The following EYA4 variants were observed in gnomAD, a reference collection of about 807,000 sequenced individuals.
EYA4 encodes EYA transcriptional coactivator and phosphatase 4.
In EYA4, 31 loss-of-function variants were observed where a neutral mutation model predicts 87.9. That is an observed-to-expected ratio of 0.35 (90% confidence interval 0.27 to 0.48). EYA4 has a LOEUF of 0.48. EYA4 is among the 20% of genes least tolerant of loss of function. EYA4 has a pLI of 0.99. For missense variants in EYA4, 678 were observed against 761.4 expected, an observed-to-expected ratio of 0.89 and a Z score of 1.29; for synonymous variants, 263 against 270.6, an observed-to-expected ratio of 0.97 and a Z score of 0.28.
At chr6:133,361,469 A>T (rs1274959346) in intron 2 of EYA4, among the ~76,000 whole-genome samples, 84 of 152,306 alleles carry the variant, frequency 5.5e-4, no homozygotes, top group Non-Finnish European at 8.8e-4. Context: ...ATTGGAAGTA[A>T]TAAGTCTCAT....
intron 4 of EYA4, 118 bp downstream of exon 4, chr6:133,446,872 T>C: frequency 2.0e-6 from 2 of 1,002,116 alleles, no homozygotes; most frequent in Non-Finnish European, 3.0e-6. Flanking sequence ...ATCAGCATTA[T>C]ATCCAAGGTA....
chr6:133,456,274 T>C (rs1434206206), intron 5 of EYA4, among the ~76,000 whole-genome samples: 1 of 152,116 alleles, frequency 6.6e-6, no homozygotes, highest in Non-Finnish European at 1.5e-5. Flanking sequence ...TGAGAGTGTG[T>C]TTAGGTGAAT....
intron 1 of EYA4, among the ~76,000 whole-genome samples, chr6:133,272,496 A>G (rs1414453120): frequency 6.6e-6 from 1 of 152,204 alleles, no homozygotes; most frequent in African/African-American, 2.4e-5. Context: ...CATGATAGCC[A>G]GTTAAGGTTG....
At chr6:133,408,045 T>C (rs912295474) in intron 3 of EYA4, among the ~76,000 whole-genome samples, 1 of 152,230 alleles carries the variant, frequency 6.6e-6, no homozygotes. Flanking sequence ...CAAACTTTCC[T>C]GAACTATAAT....
chr6:133,319,511 C>CTTT (rs34103179), intron 2 of EYA4, among the ~76,000 whole-genome samples: 34,360 of 145,318 alleles, frequency 0.24, 5,109 homozygotes, highest in Middle Eastern at 0.36. Context: ...GATAGTGTCC[C>CTTT]TTTTTTTTTT....
At chr6:133,396,730 A>G (rs935145404) in intron 3 of EYA4, among the ~76,000 whole-genome samples, 11 of 152,116 alleles carry the variant, frequency 7.2e-5, no homozygotes, top group Non-Finnish European at 1.5e-4. Context: ...GTCTGTGTGT[A>G]TATGTGCATG....
At chr6:133,416,469 T>C (rs1789722838) in intron 3 of EYA4, among the ~76,000 whole-genome samples, 1 of 152,180 alleles carries the variant, frequency 6.6e-6, no homozygotes, top group South Asian at 2.1e-4. Context: ...TTGATTTGTT[T>C]TGTTTGATCT....
chr6:133,389,679 G>A (rs925308549), intron 3 of EYA4, among the ~76,000 whole-genome samples: 10 of 152,124 alleles, frequency 6.6e-5, no homozygotes, highest in African/African-American at 1.9e-4. Context: ...TTTCCCCAGG[G>A]TCTTTCCTTT....
At chr6:133,429,346 A>G (rs758634650) in intron 3 of EYA4, among the ~76,000 whole-genome samples, 7 of 152,210 alleles carry the variant, frequency 4.6e-5, no homozygotes, top group Admixed American at 2.0e-4. Flanking sequence ...AACAAGGAGC[A>G]CTACAGAAGC....
intron 3 of EYA4, among the ~76,000 whole-genome samples, chr6:133,393,260 T>G (rs1229836370): frequency 6.6e-6 from 1 of 152,142 alleles, no homozygotes; most frequent in African/African-American, 2.4e-5. Flanking sequence ...GGTTTTCCTC[T>G]CAGTAGTTCA....
intron 5 of EYA4, 21 bp from the exon 6 acceptor site, chr6:133,456,535 T>C (rs377442609): frequency 2.1e-5 from 32 of 1,519,638 alleles, no homozygotes; most frequent in Non-Finnish European, 2.7e-6. Flanking sequence ...AAAACTCACA[T>C]GTACTTATTC....
At chr6:133,290,433 G>A (rs211434) in intron 2 of EYA4, among the ~76,000 whole-genome samples, 114,463 of 152,136 alleles carry the variant, frequency 0.75, 44,068 homozygotes, top group African/African-American at 0.92. Flanking sequence ...TTGATTTACA[G>A]TCTGTTGTAT....
At chr6:133,242,489 C>G (rs1161952455) in intron 1 of EYA4, among the ~76,000 whole-genome samples, 1 of 152,170 alleles carries the variant, frequency 6.6e-6, no homozygotes, top group East Asian at 1.9e-4. Context: ...AGGAAGGGAC[C>G]TGGCTGGGTA....
chr6:133,467,866 G>T (rs1304653152), intron 10 of EYA4, among the ~76,000 whole-genome samples: 3 of 151,736 alleles, frequency 2.0e-5, no homozygotes, highest in Admixed American at 1.3e-4. Context: ...TCATTTTAAG[G>T]TTCTTAAAAT....
chr6:133,333,054 A>G (rs983889881), intron 2 of EYA4, among the ~76,000 whole-genome samples: 1 of 152,042 alleles, frequency 6.6e-6, no homozygotes, highest in East Asian at 1.9e-4. Context: ...TGATTCTTTC[A>G]ATATTGTGCT....
chr6:133,373,915 A>G (rs994352270), intron 2 of EYA4, among the ~76,000 whole-genome samples: 5 of 152,036 alleles, frequency 3.3e-5, no homozygotes, highest in Non-Finnish European at 5.9e-5. Context: ...AAAGCATATT[A>G]TGGTTCCTTT....
intron 2 of EYA4, among the ~76,000 whole-genome samples, chr6:133,375,336 G>A (rs1484915646): frequency 6.6e-6 from 1 of 151,884 alleles, no homozygotes; most frequent in East Asian, 1.9e-4. Flanking sequence ...TAGGATATGA[G>A]TATATATTTT....
In EYA4 at chr6:133,468,612, A is replaced by T; in HGVS notation, c.851A>T (p.Tyr284Phe). The T allele has an allele frequency of 6.2e-7, 1 of 1,612,798 alleles. No homozygotes were observed. The highest frequency in any genetic ancestry group is 2.2e-5 in the East Asian group (1 of 44,846). ...TAFGQNQYAQ[Y>F]YSASTYGAYM... ...TTTGGCCAAAACCAGTATGCACAGT[A>T]TTATTCAGCATCAACGTATGGAGCG... is the stretch of plus-strand genomic sequence containing the variant. Residue 284 changes from tyrosine to phenylalanine, a missense_variant, in exon 11 of 20, where the codon TAT becomes TTT. Physicochemically the swap from Tyr to Phe is conservative, Grantham distance 22 (BLOSUM62 3). Coordinates refer to ENST00000355286, the MANE Select transcript of EYA4 (RefSeq NM_004100.5).
chr6:133,286,183 C>A (rs1778043207), intron 2 of EYA4, among the ~76,000 whole-genome samples: 1 of 152,142 alleles, frequency 6.6e-6, no homozygotes, highest in Non-Finnish European at 1.5e-5. Context: ...CAATGGGGAT[C>A]CCCAGTTATG....
Sources: allele counts gnomAD v4.1 joint callset (sites outside exome capture counted in the v4.1 genomes callset), GRCh38; gene constraint gnomAD v4.1.1; transcripts MANE v1.5; gene names NCBI Gene and HGNC (gene_info 2026-07-23, HGNC 2026-07-21).